CCSER1: variants seen among roughly 807,000 people sequenced by gnomAD.
CCSER1 encodes coiled-coil serine rich protein 1.
Under a neutral mutation model 82.0 loss-of-function variants are expected in CCSER1, and 41 were observed. That is an observed-to-expected ratio of 0.50 (90% CI 0.39 to 0.65). The LOEUF (loss-of-function observed/expected upper bound fraction) is 0.65. CCSER1 is among the 30% of genes least tolerant of loss of function. The probability of loss-of-function intolerance (pLI) is 0.00; values close to 1 mark genes in which losing one functional copy is unlikely to be tolerated. For missense variants in CCSER1, 1,119 were observed against 1,064.2 expected (o/e 1.05, Z -0.72); for synonymous variants, 414 against 383.9 (o/e 1.08, Z -0.92).
intron 10 of CCSER1, among the ~76,000 whole-genome samples, chr4:91,123,495 A>G (rs911143413): frequency 6.6e-6 from 1 of 151,732 alleles, no homozygotes; most frequent in Non-Finnish European, 1.5e-5. Flanking sequence ...GCTCCATGTT[A>G]TAGCTGCTAA....
chr4:91,585,434 T>G (rs760313020), intron 10 of CCSER1, among the ~76,000 whole-genome samples: 5 of 151,518 alleles, frequency 3.3e-5, no homozygotes, highest in Non-Finnish European at 7.4e-5. Flanking sequence ...GAGAAAAATT[T>G]GACACAATTC....
At chr4:91,589,577 T>A (rs1257022292) in intron 10 of CCSER1, among the ~76,000 whole-genome samples, 1 of 138,042 alleles carries the variant, frequency 7.2e-6, no homozygotes, top group Admixed American at 7.1e-5. Flanking sequence ...AGAGGCTCTT[T>A]TTTTTTTTTT....
intron 8 of CCSER1, among the ~76,000 whole-genome samples, chr4:90,870,488 C>T (rs1284683421): frequency 6.6e-6 from 1 of 151,470 alleles, no homozygotes; most frequent in Non-Finnish European, 1.5e-5. Flanking sequence ...TATGATGTAT[C>T]ACATCGATTT....
intron 9 of CCSER1, among the ~76,000 whole-genome samples, chr4:90,988,963 T>G (rs1736807987): frequency 6.6e-6 from 1 of 151,772 alleles, no homozygotes. Flanking sequence ...CATCTCCAAG[T>G]TGGAAAATGA....
intron 9 of CCSER1, among the ~76,000 whole-genome samples, chr4:90,983,816 A>G (rs1205450378): frequency 6.6e-6 from 1 of 151,700 alleles, no homozygotes; most frequent in Non-Finnish European, 1.5e-5. Context: ...TCTGTGCACT[A>G]TTCTTTTCCT....
chr4:90,800,440 G>A (rs981752687), intron 7 of CCSER1, among the ~76,000 whole-genome samples: 1 of 151,876 alleles, frequency 6.6e-6, no homozygotes, highest in Non-Finnish European at 1.5e-5. Flanking sequence ...TTACATTGTG[G>A]GAGGAGACAT....
intron 1 of CCSER1, among the ~76,000 whole-genome samples, chr4:90,152,820 A>G (rs1727123491): frequency 6.6e-6 from 1 of 151,660 alleles, no homozygotes; most frequent in Admixed American, 6.6e-5. Context: ...TGAGCAGTAG[A>G]CCAGCATGCT....
rs1214919780 is a variant in CCSER1 at position 90,883,957 on chromosome 4, C to G, written c.2095-39413C>G. 2.0e-5 allele frequency among the ~76,000 whole-genome samples: 3 copies of G among 152,066 alleles called. No individual in the cohort carries two copies. In the East Asian group the frequency reaches 5.8e-4, roughly 29 times the overall value. On this transcript the variant is annotated intron_variant, in intron 8 of 10. Coordinates refer to ENST00000509176, the MANE Select transcript of CCSER1 (RefSeq NM_001145065.2). Reference sequence around the variant, plus strand: ...ATTGGTGACTAATTAGAGAGGGATGCAAGGTGACCTCTAATATAAGGTAAC... The same window carrying G: ...ATTGGTGACTAATTAGAGAGGGATGGAAGGTGACCTCTAATATAAGGTAAC...
intron 10 of CCSER1, among the ~76,000 whole-genome samples, chr4:91,137,397 A>C (rs1728586569): frequency 1.5e-5 from 1 of 64,874 alleles, no homozygotes; most frequent in Non-Finnish European, 3.5e-5. Context: ...ACATTTTCTT[A>C]ATCCAGTCTA....
chr4:91,538,498 G>T (rs886197110), intron 10 of CCSER1, among the ~76,000 whole-genome samples: 1 of 151,302 alleles, frequency 6.6e-6, no homozygotes, highest in East Asian at 1.9e-4. Context: ...AGTTGGAGAG[G>T]CTCTCTCTCA....
chr4:90,326,594 T>C (rs1738259456), intron 3 of CCSER1, among the ~76,000 whole-genome samples: 1 of 152,210 alleles, frequency 6.6e-6, no homozygotes, highest in African/African-American at 2.4e-5. Context: ...TTTGTAATTA[T>C]ATACAAAATT....
At chr4:90,654,082 C>G (rs1199628158) in intron 6 of CCSER1, among the ~76,000 whole-genome samples, 2 of 152,034 alleles carry the variant, frequency 1.3e-5, no homozygotes, top group African/African-American at 4.8e-5. Flanking sequence ...GGAAATTTGC[C>G]CCCATGATCC....
At chr4:90,424,695 A>G (rs1329044692) in intron 4 of CCSER1, among the ~76,000 whole-genome samples, 1 of 152,176 alleles carries the variant, frequency 6.6e-6, no homozygotes, top group Non-Finnish European at 1.5e-5. Flanking sequence ...ATCCCTTAGA[A>G]TGATTGTCTC....
intron 5 of CCSER1, among the ~76,000 whole-genome samples, chr4:90,471,570 T>G (rs1764400455): frequency 6.6e-6 from 1 of 152,100 alleles, no homozygotes; most frequent in African/African-American, 2.4e-5. Context: ...TTTGTAATTT[T>G]TTTGCAACAA....
At chr4:91,173,807 C>G (rs895294034) in intron 10 of CCSER1, among the ~76,000 whole-genome samples, 2 of 152,146 alleles carry the variant, frequency 1.3e-5, no homozygotes, top group Admixed American at 1.3e-4. Flanking sequence ...AGGATGAAAA[C>G]AGAAGAACAA....
chr4:91,052,608 C>T (rs1431205188), intron 9 of CCSER1, among the ~76,000 whole-genome samples: 1 of 151,974 alleles, frequency 6.6e-6, no homozygotes, highest in African/African-American at 2.4e-5. Flanking sequence ...CAGGAGACTT[C>T]TAGAGATAAT....
chr4:91,496,564 G>GTATA (rs367939121), intron 10 of CCSER1, among the ~76,000 whole-genome samples: 744 of 17,624 alleles, frequency 0.042, 175 homozygotes, highest in Middle Eastern at 0.19. Flanking sequence ...CATAAATCTT[G>GTATA]TATATATATA....
At chr4:90,304,993 T>C (rs1733984554) in intron 1 of CCSER1, among the ~76,000 whole-genome samples, 1 of 151,862 alleles carries the variant, frequency 6.6e-6, no homozygotes, top group Admixed American at 6.6e-5. Context: ...TCTGGCTCAC[T>C]GCAACCTCCG....
At chr4:90,701,634 G>T (rs533592950) in intron 6 of CCSER1, among the ~76,000 whole-genome samples, 1 of 152,074 alleles carries the variant, frequency 6.6e-6, no homozygotes, top group African/African-American at 2.4e-5. Context: ...ATGTTCTTCC[G>T]TTTGTTTATG....
Sources: gnomAD v4.1 joint callset for allele counts (sites outside exome capture counted in the v4.1 genomes callset) on GRCh38, gnomAD v4.1.1 for gene constraint, MANE v1.5 for transcripts, NCBI Gene and HGNC (gene_info 2026-07-23, HGNC 2026-07-21) for gene names.